The following NBPF9 variants were observed in gnomAD, a reference collection of about 807,000 sequenced individuals.
NBPF9 encodes NBPF family member NBPF9.
A neutral mutation model predicts 97.8 loss-of-function variants in NBPF9; 91 were observed. The ratio of observed to expected loss-of-function variants is 0.93; its 90% CI spans 0.79 to 1.11. NBPF9 has a LOEUF of 1.11. Ranked by LOEUF, NBPF9 falls within the 50% of genes least tolerant of loss-of-function variation. The pLI, the probability that NBPF9 is intolerant of heterozygous loss-of-function variation, is 0.00. For synonymous variants in NBPF9, 334 were observed against 359.5 expected, an observed-to-expected ratio of 0.93 and a Z score of 0.80; for missense variants, 992 against 939.5, an observed-to-expected ratio of 1.06 and a Z score of -0.73.
intron 21 of NBPF9, among the ~76,000 whole-genome samples, chr1:149,062,477 G>T (rs1454676829): frequency 6.9e-6 from 1 of 144,754 alleles, no homozygotes; most frequent in Non-Finnish European, 1.5e-5. Flanking sequence ...GAGAGAGAGA[G>T]AGGAGAAAGT....
chr1:149,077,488 A>T, intron 10 of NBPF9, 69 bp from the exon 11 acceptor site: 8 of 1,601,162 alleles, frequency 5.0e-6, no homozygotes, highest in Non-Finnish European at 6.8e-6. Flanking sequence ...AGGGAGTACT[A>T]GCTGGTTTTG....
At chr1:149,087,235 A>AATAT in intron 5 of NBPF9, among the ~76,000 whole-genome samples, 1 of 149,062 alleles carries the variant, frequency 6.7e-6, no homozygotes, top group Non-Finnish European at 1.5e-5. Context: ...ATCAGACTGC[A>AATAT]ATATATATAT....
exon 30 of NBPF9, chr1:149,055,323 G>C (rs1212344890): frequency 2.7e-5 from 13 of 482,160 alleles, no homozygotes; most frequent in Middle Eastern, 5.8e-4. Context: ...ATGACCTTGA[G>C]CAGGTATAGA....
At position 149,054,343 on chromosome 1, in the gene NBPF9, T is replaced by C. The variant is rs1408877107; in HGVS notation, c.*1313A>G. On this transcript the variant is annotated 3_prime_UTR_variant, in exon 30 of 30. Coordinates refer to ENST00000584027, the Ensembl canonical transcript of NBPF9. ...GGGAGGATTAATAAATGATAAAATG[T>C]TTAGAGGATGATCATTAGAATACAG... 2.5e-5 allele frequency: 3 copies of C among 119,522 alleles called. No homozygotes were observed. The Admixed American group carries it at 2.6e-4, about 10-fold the overall frequency. The allele number at this position is 119,522 out of a possible 1,614,324, so 7.4% of individuals were successfully genotyped here.
chr1:149,101,781 C>T (rs1343256535), intron 2 of NBPF9, among the ~76,000 whole-genome samples: 1 of 152,138 alleles, frequency 6.6e-6, no homozygotes, highest in Non-Finnish European at 1.5e-5. Context: ...TTTGGGAAAA[C>T]GTTCAACAGT....
At chr1:149,060,680 C>G (rs2152868209) in exon 24 of NBPF9, 2 of 368,248 alleles carry the variant, frequency 5.4e-6, no homozygotes, top group East Asian at 3.6e-5. Flanking sequence ...CTACCTCCAG[C>G]AGCTCCCTGC....
At chr1:149,062,805 A>G (rs1575825751) in intron 21 of NBPF9, 57 bp downstream of exon 21, 2 of 750,212 alleles carry the variant, frequency 2.7e-6, no homozygotes, top group African/African-American at 1.7e-5. Context: ...TTTTCCCTGG[A>G]CCTGGCATCT....
At position 149,064,411 on chromosome 1, in the gene NBPF9, C is replaced by G. The variant is rs1181633912; in HGVS notation, c.1853+20G>C. 1 of 921,568 alleles carries G rather than the reference C, an allele frequency of 1.1e-6. No individual in the cohort carries two copies. Among genetic ancestry groups the G allele is most frequent in the Non-Finnish European group, 1.7e-6 (1 of 572,828 alleles). 57.1% of individuals were successfully genotyped at this position (921,568 alleles called of 1,614,324 possible). A position where few individuals can be genotyped will look rare whatever the true frequency, so the allele number is the denominator to read the frequency against. Reference sequence around the variant, plus strand: ...CAGGTGTCAACATCAAATTAACTGTCCACAATTTCTCAGACTCACCTGGGA... The same window carrying G: ...CAGGTGTCAACATCAAATTAACTGTGCACAATTTCTCAGACTCACCTGGGA... On this transcript the variant is annotated intron_variant, in intron 19 of 29. Transcript: ENST00000584027.
Position 149,071,154 on chromosome 1 carries a change from G to A in NBPF9, c.1380-15C>T, listed in dbSNP as rs587596822. ...TCTGCATCTCCCTGATGAGCCAGGT[G>A]GGACAGAGATGACAGAAGATTAAAC... On this transcript the variant is annotated splice_polypyrimidine_tract_variant and intron_variant, in intron 15 of 29. Coordinates refer to ENST00000584027, the Ensembl canonical transcript of NBPF9. 2,275 of 1,469,804 alleles carry A rather than the reference G, an allele frequency of 1.5e-3. 7 individuals carry two copies. Among genetic ancestry groups the A allele is most frequent in the Admixed American group, 3.2e-3 (191 of 59,046 alleles). The allele number at this position is 1,469,804 out of a possible 1,614,324, so 91.0% of individuals were successfully genotyped here.
intron 11 of NBPF9, among the ~76,000 whole-genome samples, chr1:149,076,836 A>G (rs1195893522): frequency 1.3e-5 from 2 of 151,648 alleles, no homozygotes; most frequent in African/African-American, 4.8e-5. Flanking sequence ...AGACAAGCCA[A>G]TGAAAAGGAG....
intron 12 of NBPF9, among the ~76,000 whole-genome samples, chr1:149,074,334 A>AT (rs1203461594): frequency 2.0e-5 from 3 of 151,392 alleles, no homozygotes; most frequent in African/African-American, 4.8e-5. Flanking sequence ...TAAATCTTTG[A>AT]TTTTTAAATC....
At chr1:149,064,695 G>A in intron 18 of NBPF9, 1 of 613,496 alleles carries the variant, frequency 1.6e-6, no homozygotes. Context: ...CCCTGTGTTG[G>A]AATGTTATCT....
At chr1:149,101,357 C>A (rs1202940957) in exon 3 of NBPF9, 1 of 138,340 alleles carries the variant, frequency 7.2e-6, no homozygotes, top group African/African-American at 2.7e-5. Context: ...CACTGCACTC[C>A]AGCCTGGGCA....
downstream of NBPF9, among the ~76,000 whole-genome samples, chr1:149,052,486 G>T (rs1300153461): frequency 6.6e-6 from 1 of 151,880 alleles, no homozygotes; most frequent in African/African-American, 2.4e-5. Flanking sequence ...ACTAAGTGAA[G>T]CAGATTGCCC....
At chr1:149,103,547 G>C (rs1553663847) in exon 1 of NBPF9, 1 of 152,366 alleles carries the variant, frequency 6.6e-6, no homozygotes, top group South Asian at 2.1e-4. Context: ...CCCGCTCGGC[G>C]CGTCAGGAGA....
chr1:149,057,752 C>CTGAG (rs2078313390), intron 27 of NBPF9, among the ~76,000 whole-genome samples: 6 of 64,318 alleles, frequency 9.3e-5, no homozygotes, highest in African/African-American at 3.3e-4. Flanking sequence ...CACACACACA[C>CTGAG]AGAGAGAGAG....
chr1:149,077,637 C>A (rs2080008997), intron 10 of NBPF9, among the ~76,000 whole-genome samples: 2 of 152,204 alleles, frequency 1.3e-5, no homozygotes, highest in Non-Finnish European at 2.9e-5. Flanking sequence ...GTGTTCAGTG[C>A]ACTGGACAGA....
rs1216929770 is a variant in NBPF9, at chr1:149,061,203, A to C, written c.2303+129T>G. 11 of 318,066 alleles carry C rather than the reference A, an allele frequency of 3.5e-5. 3 individuals are homozygous for C. Among genetic ancestry groups the C allele is most frequent in the Non-Finnish European group, 4.6e-5 (8 of 172,144 alleles). The allele number at this position is 318,066 out of a possible 1,614,324, so 19.7% of individuals were successfully genotyped here. On this transcript the variant is annotated intron_variant, in intron 23 of 29. Coordinates refer to ENST00000584027, the Ensembl canonical transcript of NBPF9. ...ATCTACTGCAATGAAAACCAACAGC[A>C]ATGTTAGTAGGAATAATTCAGGCTT... is the stretch of plus-strand genomic sequence containing the variant.
intron 14 of NBPF9, 57 bp from the exon 15 acceptor site, chr1:149,071,733 G>A: frequency 2.1e-6 from 2 of 958,216 alleles, no homozygotes; most frequent in Admixed American, 3.7e-5. Flanking sequence ...TGCAAGCACA[G>A]TCAGCCCAAT....
Sources: gnomAD v4.1 joint callset for allele counts (sites outside exome capture counted in the v4.1 genomes callset) on GRCh38, gnomAD v4.1.1 for gene constraint, MANE v1.5 for transcripts, NCBI Gene and HGNC (gene_info 2026-07-23, HGNC 2026-07-21) for gene names.